The following GALNT2 variants were observed in gnomAD, a reference collection of about 807,000 sequenced individuals.
GALNT2 encodes UDP-GalNAc:polypeptide N-acetylgalactosaminyltransferase 2.
A neutral mutation model predicts 81.4 loss-of-function variants in GALNT2; 31 were observed. The observed-to-expected ratio is 0.38, with a 90% CI of 0.29 to 0.51. The LOEUF is 0.51. Ranked by LOEUF, GALNT2 falls within the 20% of genes least tolerant of loss-of-function variation. The pLI, the probability that GALNT2 is intolerant of heterozygous loss-of-function variation, is 0.87. For missense variants in GALNT2, 629 were observed against 765.7 expected, an observed-to-expected ratio of 0.82 and a Z score of 2.11; for synonymous variants, 303 against 287.4, an observed-to-expected ratio of 1.05 and a Z score of -0.55.
At chr1:230,269,814 T>C (rs368865374) in intron 14 of GALNT2, among the ~76,000 whole-genome samples, 6 of 151,990 alleles carry the variant, frequency 3.9e-5, no homozygotes, top group African/African-American at 1.5e-4. Context: ...GGAGGATTGC[T>C]AAAGCCCAAG....
At chr1:230,220,742 C>A (rs888680865) in intron 3 of GALNT2, among the ~76,000 whole-genome samples, 1 of 152,192 alleles carries the variant, frequency 6.6e-6, no homozygotes, top group Non-Finnish European at 1.5e-5. Context: ...TTGGTCCATT[C>A]TTGGGCTTAA....
chr1:230,225,070 G>A (rs1664665766), intron 3 of GALNT2, among the ~76,000 whole-genome samples: 1 of 152,152 alleles, frequency 6.6e-6, no homozygotes, highest in Non-Finnish European at 1.5e-5. Flanking sequence ...ATTTGGTTCT[G>A]TTTAGTTTTG....
At chr1:230,097,929 C>A (rs1208385574) in intron 1 of GALNT2, among the ~76,000 whole-genome samples, 1 of 152,138 alleles carries the variant, frequency 6.6e-6, no homozygotes, top group Non-Finnish European at 1.5e-5. Flanking sequence ...GCTTTAGTTT[C>A]AGGGATCAAA....
intron 2 of GALNT2, among the ~76,000 whole-genome samples, chr1:230,195,160 C>T (rs1038638836): frequency 2.0e-5 from 3 of 152,250 alleles, no homozygotes; most frequent in African/African-American, 7.2e-5. Context: ...ACAGGGAGGG[C>T]ACAGCCAGAA....
intron 1 of GALNT2, among the ~76,000 whole-genome samples, chr1:230,141,032 T>A (rs527524617): frequency 6.6e-6 from 1 of 152,186 alleles, no homozygotes; most frequent in African/African-American, 2.4e-5. Flanking sequence ...TTGAAACAAA[T>A]GACAAACGAA....
chr1:230,258,867 G>A (rs1302288542), intron 11 of GALNT2: 1 of 152,158 alleles, frequency 6.6e-6, no homozygotes, highest in African/African-American at 2.4e-5. Flanking sequence ...CCAGCAAACA[G>A]TGAGATTTCA....
chr1:230,066,798 G>T (rs895717653), upstream of GALNT2, among the ~76,000 whole-genome samples: 4 of 152,152 alleles, frequency 2.6e-5, no homozygotes, highest in African/African-American at 4.8e-5. Context: ...CGTGAGCAAG[G>T]CTCTTTGCCC....
chr1:230,195,903 A>T (rs925648028), intron 2 of GALNT2, among the ~76,000 whole-genome samples: 1 of 151,986 alleles, frequency 6.6e-6, no homozygotes, highest in Non-Finnish European at 1.5e-5. Flanking sequence ...TTGGCTGGGG[A>T]CAATCCTCAG....
At chr1:230,089,889 T>G (rs1660013951) in intron 1 of GALNT2, among the ~76,000 whole-genome samples, 1 of 152,222 alleles carries the variant, frequency 6.6e-6, no homozygotes, top group Non-Finnish European at 1.5e-5. Context: ...ACCCTGCTTT[T>G]CATTCTTTTG....
Position 230,171,034 on chromosome 1 carries a change from A to C in GALNT2, c.127-7184A>C, listed in dbSNP as rs1199972768. On this transcript the variant is annotated intron_variant, in intron 1 of 15. Transcript: ENST00000366672. ...GAGTTAAAATTAAATTTGTGAGTTT[A>C]TTAATAGGTCACACAGCCTATTTGG... Among the ~76,000 whole-genome samples the C allele has an allele frequency of 2.0e-5, 3 of 152,224 alleles. No homozygotes were observed. In the East Asian group the frequency reaches 5.8e-4, roughly 29 times the overall value.
chr1:230,248,836 C>T (rs6691461), intron 8 of GALNT2, among the ~76,000 whole-genome samples: 16,679 of 152,136 alleles, frequency 0.11, 1,893 homozygotes, highest in East Asian at 0.58. Flanking sequence ...TCCTCACATC[C>T]TTACAGCCCT....
intron 8 of GALNT2, among the ~76,000 whole-genome samples, chr1:230,248,949 T>C (rs1003234216): frequency 2.0e-5 from 3 of 152,178 alleles, no homozygotes; most frequent in African/African-American, 4.8e-5. Flanking sequence ...ACATTTTCTT[T>C]AGGGAGGGGC....
intron 1 of GALNT2, among the ~76,000 whole-genome samples, chr1:230,174,273 T>G (rs1372827221): frequency 6.6e-6 from 1 of 152,124 alleles, no homozygotes; most frequent in Admixed American, 6.5e-5. Context: ...CGGGGTCTCC[T>G]CCTTTCCTAC....
chr1:230,105,050 C>T (rs547527777), intron 1 of GALNT2, among the ~76,000 whole-genome samples: 95 of 152,328 alleles, frequency 6.2e-4, no homozygotes, highest in African/African-American at 2.1e-3. Context: ...TGGGGCCCTT[C>T]CTGTAAGGAG....
chr1:230,106,312 G>A (rs1039079194), intron 1 of GALNT2, among the ~76,000 whole-genome samples: 2 of 152,192 alleles, frequency 1.3e-5, no homozygotes, highest in African/African-American at 2.4e-5. Flanking sequence ...TCTGAGAAAC[G>A]ATACTGAATG....
chr1:230,236,591 A>G (rs2102736311), intron 5 of GALNT2, 69 bp from the exon 6 acceptor site: 1 of 1,501,808 alleles, frequency 6.7e-7, no homozygotes, highest in Non-Finnish European at 9.2e-7. Flanking sequence ...GATTGAGAAT[A>G]CTATGGTTGA....
intron 1 of GALNT2, among the ~76,000 whole-genome samples, chr1:230,076,287 G>A (rs1211583058): frequency 1.3e-5 from 2 of 152,132 alleles, no homozygotes; most frequent in African/African-American, 2.4e-5. Flanking sequence ...CCAAGCATCG[G>A]GTAAGTCATT....
intron 1 of GALNT2, among the ~76,000 whole-genome samples, chr1:230,167,963 C>G (rs78539217): frequency 2.2e-5 from 3 of 138,572 alleles, no homozygotes; most frequent in African/African-American, 7.5e-5. Flanking sequence ...TCTAAAATAC[C>G]CCCCCCTTTT....
chr1:230,110,355 T>A (rs1478933702), intron 1 of GALNT2, among the ~76,000 whole-genome samples: 1 of 152,132 alleles, frequency 6.6e-6, no homozygotes, highest in East Asian at 1.9e-4. Flanking sequence ...GGGCTGTTCT[T>A]ATTTGAGTCA....
Sources: allele counts gnomAD v4.1 joint callset (sites outside exome capture counted in the v4.1 genomes callset), GRCh38; gene constraint gnomAD v4.1.1; transcripts MANE v1.5; gene names NCBI Gene and HGNC (gene_info 2026-07-23, HGNC 2026-07-21).